MACROH2A1: variants seen among roughly 807,000 people sequenced by gnomAD.
MACROH2A1 encodes macroH2A.1 histone, also known as core histone macro-H2A.1.
In MACROH2A1, 2 loss-of-function variants were observed where a neutral mutation model predicts 31.6. The observed-to-expected ratio is 0.06, with a 90% CI of 0.03 to 0.20. MACROH2A1 has a LOEUF of 0.20. MACROH2A1 is among the 10% of genes least tolerant of loss of function. The probability of loss-of-function intolerance (pLI) is 1.00; values close to 1 mark genes in which losing one functional copy is unlikely to be tolerated. For synonymous variants in MACROH2A1, 169 were observed against 189.6 expected (o/e 0.89, Z 0.89); for missense variants, 230 against 474.0 (o/e 0.49, Z 4.78).
intron 1 of MACROH2A1, among the ~76,000 whole-genome samples, chr5:135,393,394 C>A (rs1324713867): frequency 6.6e-6 from 1 of 152,212 alleles, no homozygotes; most frequent in Non-Finnish European, 1.5e-5. Flanking sequence ...AAAGAGGAAA[C>A]AGCCAGTCTC....
At chr5:135,338,889 C>G (rs6865399) in intron 8 of MACROH2A1, among the ~76,000 whole-genome samples, 14,037 of 152,236 alleles carry the variant, frequency 0.092, 692 homozygotes, top group Admixed American at 0.11. Flanking sequence ...AGGGTGTTAA[C>G]CTCTCTAAGC....
At chr5:135,384,067 G>A (rs190534078) in intron 2 of MACROH2A1, among the ~76,000 whole-genome samples, 168 of 152,278 alleles carry the variant, frequency 1.1e-3, no homozygotes, top group African/African-American at 3.7e-3. Flanking sequence ...TATTTTCAAG[G>A]TAAGTGACAG....
chr5:135,337,761 T>C (rs1295593581), intron 8 of MACROH2A1, among the ~76,000 whole-genome samples: 1 of 152,164 alleles, frequency 6.6e-6, no homozygotes, highest in East Asian at 1.9e-4. Context: ...TATCAAATGT[T>C]TTAGACTTGC....
At chr5:135,353,171 G>T in intron 5 of MACROH2A1, 126 bp from the exon 6 acceptor site, 1 of 672,228 alleles carries the variant, frequency 1.5e-6, no homozygotes, top group Non-Finnish European at 2.7e-6. Context: ...GAAGCAGGGA[G>T]TTGCTGGCTC....
chr5:135,385,759 G>T (rs890203495), intron 2 of MACROH2A1, among the ~76,000 whole-genome samples: 2 of 152,164 alleles, frequency 1.3e-5, no homozygotes, highest in African/African-American at 4.8e-5. Flanking sequence ...TCCCTGGCCA[G>T]CTCATCTCCA....
At chr5:135,391,642 C>A (rs1465315317) in intron 1 of MACROH2A1, among the ~76,000 whole-genome samples, 1 of 152,230 alleles carries the variant, frequency 6.6e-6, no homozygotes, top group Non-Finnish European at 1.5e-5. Flanking sequence ...GGCCCACTTA[C>A]AAGTCCCATG....
At chr5:135,355,240 G>A in intron 5 of MACROH2A1, 1 of 456,066 alleles carries the variant, frequency 2.2e-6, no homozygotes, top group Non-Finnish European at 4.4e-6. Flanking sequence ...GGGAGCAGTT[G>A]CGAACAGAAC....
intron 6 of MACROH2A1, chr5:135,350,879 T>C (rs775466629): frequency 5.6e-6 from 9 of 1,613,304 alleles, no homozygotes; most frequent in Non-Finnish European, 7.6e-6. Context: ...AGCATCACTG[T>C]CGATCGAGGC....
At chr5:135,373,348 G>A (rs573208461) in intron 2 of MACROH2A1, among the ~76,000 whole-genome samples, 35 of 152,280 alleles carry the variant, frequency 2.3e-4, no homozygotes, top group Non-Finnish European at 7.4e-5. Flanking sequence ...CAGGTAGTAT[G>A]TAAAGAACAG....
intron 8 of MACROH2A1, among the ~76,000 whole-genome samples, chr5:135,337,181 G>A (rs1758876590): frequency 6.6e-6 from 1 of 152,270 alleles, no homozygotes; most frequent in Admixed American, 6.5e-5. Context: ...GGCCTGTGGA[G>A]CTACTGCAAA....
At chr5:135,391,359 C>T (rs749076564) in intron 1 of MACROH2A1, among the ~76,000 whole-genome samples, 9 of 152,178 alleles carry the variant, frequency 5.9e-5, no homozygotes, top group Non-Finnish European at 1.0e-4. Context: ...AGAGCACAGA[C>T]TTCAGCTTTG....
chr5:135,349,328 G>A (rs1027515202), intron 6 of MACROH2A1, among the ~76,000 whole-genome samples: 1 of 152,142 alleles, frequency 6.6e-6, no homozygotes, highest in African/African-American at 2.4e-5. Context: ...TTTTCATTTG[G>A]TTTAAAAAGG....
intron 5 of MACROH2A1, chr5:135,358,597 C>T (rs975123107): frequency 2.0e-6 from 2 of 985,208 alleles, no homozygotes; most frequent in African/African-American, 3.5e-5. Flanking sequence ...GCAGCTTAAC[C>T]ATTCCTTTCA....
At chr5:135,392,660 G>A (rs947103000) in intron 1 of MACROH2A1, among the ~76,000 whole-genome samples, 1 of 152,186 alleles carries the variant, frequency 6.6e-6, no homozygotes, top group Non-Finnish European at 1.5e-5. Flanking sequence ...AGAGGTTTAT[G>A]CAGGTGTGGG....
intron 4 of MACROH2A1, chr5:135,360,959 G>GT (rs1762773293): frequency 2.6e-6 from 1 of 385,114 alleles, no homozygotes; most frequent in Non-Finnish European, 4.9e-6. Context: ...CTAGATGTCT[G>GT]TAATACTATT....
In MACROH2A1 at chr5:135,387,637, T is replaced by G. The variant is rs116076938; in HGVS notation, c.172+1285A>C. On this transcript the variant is annotated intron_variant, in intron 2 of 8. Coordinates refer to ENST00000511689, the MANE Select transcript of MACROH2A1 (RefSeq NM_138610.3). Reference sequence around the variant, plus strand: ...AAAGCATTACGACAGGACAGCAGGATTTGGGTCCCTTCTCAACCCCTTGCA... The same window carrying G: ...AAAGCATTACGACAGGACAGCAGGAGTTGGGTCCCTTCTCAACCCCTTGCA... Among the ~76,000 whole-genome samples the G allele has an allele frequency of 2.7e-3, 412 of 152,262 alleles. 1 individual carries two copies. The highest frequency in any genetic ancestry group is 5.0e-3 in the Non-Finnish European group (341 of 68,018).
At chr5:135,366,310 C>G (rs1226597924) in intron 4 of MACROH2A1, among the ~76,000 whole-genome samples, 1 of 152,180 alleles carries the variant, frequency 6.6e-6, no homozygotes, top group Admixed American at 6.5e-5. Flanking sequence ...AACACTAAAG[C>G]AGCTCTACAT....
chr5:135,369,938 C>A lies in MACROH2A1; in HGVS notation c.279+98G>T. 5.1e-6 allele frequency: 4 copies of A among 786,232 alleles called. No homozygotes were observed. Among genetic ancestry groups the A allele is most frequent in the Non-Finnish European group, 8.4e-6 (4 of 477,558 alleles). 48.7% of individuals were successfully genotyped at this position (786,232 alleles called of 1,614,324 possible). A position where few individuals can be genotyped will look rare whatever the true frequency, so the allele number is the denominator to read the frequency against. ...TAATTAATCCAAAAGGCAGTCCACA[C>A]CTTTCATAACCAGCCAACACCAAAG... On this transcript the variant is annotated intron_variant, in intron 3 of 8. Coordinates refer to ENST00000511689, the MANE Select transcript of MACROH2A1 (RefSeq NM_138610.3). This position sits in a 1 kb window ranked among gnomAD's most constrained non-coding sequence, Gnocchi z 4.3.
chr5:135,337,841 C>A, intron 8 of MACROH2A1: 1 of 604,126 alleles, frequency 1.7e-6, no homozygotes, highest in Non-Finnish European at 2.2e-6. Flanking sequence ...CCTGGCCTTG[C>A]AAGCATTTCA....
Sources: allele counts gnomAD v4.1 joint callset (sites outside exome capture counted in the v4.1 genomes callset), GRCh38; gene constraint gnomAD v4.1.1; non-coding constraint Gnocchi (gnomAD v3.1); transcripts MANE v1.5; gene names NCBI Gene and HGNC (gene_info 2026-07-23, HGNC 2026-07-21).